The following MAGI2 variants were observed in gnomAD, a reference collection of about 807,000 sequenced individuals.
The protein encoded by MAGI2 is membrane-associated guanylate kinase, WW and PDZ domain-containing protein 2.
A neutral mutation model predicts 133.3 loss-of-function variants in MAGI2; 35 were observed. The ratio of observed to expected loss-of-function variants is 0.26; its 90% CI spans 0.20 to 0.35. MAGI2 has a LOEUF of 0.35. Among genes scored for constraint, MAGI2 ranks in the 10% least tolerant of loss-of-function variants. The pLI is 1.00. For missense variants in MAGI2, 1,636 were observed against 1,863.4 expected, an observed-to-expected ratio of 0.88 and a Z score of 2.25; for synonymous variants, 729 against 710.6, an observed-to-expected ratio of 1.03 and a Z score of -0.41.
At chr7:78,872,076 T>A (rs532094062) in intron 2 of MAGI2, among the ~76,000 whole-genome samples, 18 of 151,752 alleles carry the variant, frequency 1.2e-4, no homozygotes, top group African/African-American at 4.3e-4. Flanking sequence ...AGTATACTTA[T>A]GGAATACTTT....
intron 21 of MAGI2, among the ~76,000 whole-genome samples, chr7:78,032,469 C>T (rs1937842069): frequency 6.6e-6 from 1 of 152,122 alleles, no homozygotes. Flanking sequence ...CCTTCCTTGG[C>T]CTCCCAAAGT....
chr7:79,129,975 C>T (rs1426543015), intron 1 of MAGI2, among the ~76,000 whole-genome samples: 2 of 152,024 alleles, frequency 1.3e-5, no homozygotes, highest in Non-Finnish European at 2.9e-5. Flanking sequence ...TAGAATTAGT[C>T]TCACGGTTAT....
At chr7:78,086,477 T>C (rs944743507) in intron 20 of MAGI2, among the ~76,000 whole-genome samples, 1 of 151,794 alleles carries the variant, frequency 6.6e-6, no homozygotes, top group Non-Finnish European at 1.5e-5. Flanking sequence ...CCTAAGATGA[T>C]CTACCTGCCT....
At chr7:79,244,130 A>C (rs995348780) in intron 1 of MAGI2, among the ~76,000 whole-genome samples, 3 of 152,218 alleles carry the variant, frequency 2.0e-5, no homozygotes, top group African/African-American at 4.8e-5. Context: ...GGTCTTTGTA[A>C]ACCTAGAAAA....
At chr7:79,145,999 C>T (rs1008413230) in intron 1 of MAGI2, among the ~76,000 whole-genome samples, 1 of 152,068 alleles carries the variant, frequency 6.6e-6, no homozygotes, top group Non-Finnish European at 1.5e-5. Flanking sequence ...ACCATGCCCT[C>T]ATTTTTGTTA....
At chr7:78,469,711 T>C (rs1462730301) in intron 6 of MAGI2, among the ~76,000 whole-genome samples, 3 of 152,152 alleles carry the variant, frequency 2.0e-5, no homozygotes, top group Admixed American at 6.6e-5. Context: ...TGGGAAAAAC[T>C]GCATTATATT....
At chr7:79,057,790 T>C (rs998152284) in intron 1 of MAGI2, among the ~76,000 whole-genome samples, 1 of 152,102 alleles carries the variant, frequency 6.6e-6, no homozygotes, top group Non-Finnish European at 1.5e-5. Flanking sequence ...CTGAAGAGCA[T>C]GTTAAAGTAT....
rs934627624 is a variant in MAGI2, at chr7:78,933,348, A to T, written c.418+73742T>A. On this transcript the variant is annotated intron_variant, in intron 2 of 21. Transcript: ENST00000354212. ...AACAGTTTCTTTAACAGCATGCTAGAAGCGGTGAACAGAGGCATGGAAGAT... is the reference window on the plus strand; with the variant it reads ...AACAGTTTCTTTAACAGCATGCTAGTAGCGGTGAACAGAGGCATGGAAGAT... Among the ~76,000 whole-genome samples the T allele has an allele frequency of 2.0e-5, 3 of 152,160 alleles. No homozygotes were observed. The South Asian group carries it at 6.2e-4, about 31-fold the overall frequency.
intron 9 of MAGI2, among the ~76,000 whole-genome samples, chr7:78,291,052 C>A (rs1796654136): frequency 6.6e-6 from 1 of 152,072 alleles, no homozygotes; most frequent in East Asian, 1.9e-4. Context: ...CAAACACATT[C>A]AAAAGTTAGC....
At chr7:78,678,783 G>T (rs1391563945) in intron 2 of MAGI2, among the ~76,000 whole-genome samples, 8 of 152,024 alleles carry the variant, frequency 5.3e-5, no homozygotes, top group Non-Finnish European at 1.2e-4. Context: ...TAACCATGTT[G>T]CCCAAATGAC....
intron 1 of MAGI2, among the ~76,000 whole-genome samples, chr7:79,278,172 G>A (rs1018130742): frequency 6.6e-6 from 1 of 152,118 alleles, no homozygotes; most frequent in Non-Finnish European, 1.5e-5. Context: ...GTTCATGTGA[G>A]ATCTGGTTGC....
intron 2 of MAGI2, among the ~76,000 whole-genome samples, chr7:78,772,818 T>C (rs998894643): frequency 6.6e-6 from 1 of 152,228 alleles, no homozygotes. Context: ...CCTCGAAAAG[T>C]AAGTCGGCTT....
At chr7:78,040,278 C>A (rs1296111472) in intron 21 of MAGI2, among the ~76,000 whole-genome samples, 1 of 152,134 alleles carries the variant, frequency 6.6e-6, no homozygotes, top group Non-Finnish European at 1.5e-5. Flanking sequence ...ACCTTGCAGG[C>A]GGGCCGGAGT....
At chr7:79,393,514 T>TA (rs1307676778) in intron 1 of MAGI2, among the ~76,000 whole-genome samples, 1 of 152,236 alleles carries the variant, frequency 6.6e-6, no homozygotes, top group Non-Finnish European at 1.5e-5. Context: ...TTAAGTTTTA[T>TA]AAAAAAATTA....
intron 2 of MAGI2, among the ~76,000 whole-genome samples, chr7:78,825,240 C>T (rs1790519715): frequency 6.6e-6 from 1 of 152,048 alleles, no homozygotes; most frequent in Non-Finnish European, 1.5e-5. Flanking sequence ...TATCCCAGAA[C>T]TTAAAGTAAA....
At chr7:78,592,547 G>T (rs1563214777) in intron 3 of MAGI2, among the ~76,000 whole-genome samples, 1 of 152,076 alleles carries the variant, frequency 6.6e-6, no homozygotes, top group Non-Finnish European at 1.5e-5. Context: ...TGGAGCATTT[G>T]AAAGAAAACA....
At chr7:79,287,792 T>G (rs1223247011) in intron 1 of MAGI2, among the ~76,000 whole-genome samples, 1 of 152,160 alleles carries the variant, frequency 6.6e-6, no homozygotes, top group Non-Finnish European at 1.5e-5. Context: ...TGCAAATAAC[T>G]AATAGATTAC....
At chr7:78,546,735 T>C (rs1418516817) in intron 3 of MAGI2, among the ~76,000 whole-genome samples, 1 of 152,112 alleles carries the variant, frequency 6.6e-6, no homozygotes, top group Admixed American at 6.6e-5. Flanking sequence ...ATTAGGAGTA[T>C]AACCTATGGA....
At chr7:79,325,910 A>C (rs1233305151) in intron 1 of MAGI2, among the ~76,000 whole-genome samples, 2 of 152,170 alleles carry the variant, frequency 1.3e-5, no homozygotes, top group African/African-American at 2.4e-5. Context: ...AAAACTCAAC[A>C]ACATGATAAT....
Sources: gnomAD v4.1 joint callset for allele counts (sites outside exome capture counted in the v4.1 genomes callset) on GRCh38, gnomAD v4.1.1 for gene constraint, MANE v1.5 for transcripts, NCBI Gene and HGNC (gene_info 2026-07-23, HGNC 2026-07-21) for gene names.